The following BNC2 variants were observed in gnomAD, a reference collection of about 807,000 sequenced individuals.
BNC2 encodes basonuclin zinc finger protein 2.
A neutral mutation model predicts 76.3 loss-of-function variants in BNC2; 20 were observed. The observed-to-expected ratio is 0.26, with a 90% CI of 0.18 to 0.38. BNC2 has a LOEUF of 0.38. Among genes scored for constraint, BNC2 ranks in the 10% least tolerant of loss-of-function variants. The pLI, the probability that BNC2 is intolerant of heterozygous loss-of-function variation, is 1.00. For synonymous variants in BNC2, 582 were observed against 514.8 expected (o/e 1.13, Z -1.77); for missense variants, 1,382 against 1,399.8 (o/e 0.99, Z 0.20).
intron 5 of BNC2, among the ~76,000 whole-genome samples, chr9:16,516,118 T>C (rs1382616387): frequency 6.6e-6 from 1 of 152,198 alleles, no homozygotes; most frequent in Non-Finnish European, 1.5e-5. Flanking sequence ...TTATGCCCTC[T>C]TGCCTTTCGG....
At position 16,602,531 on chromosome 9, in the gene BNC2, C is replaced by T. The variant is rs190492632; in HGVS notation, c.331-19446G>A. Among the ~76,000 whole-genome samples the T allele has an allele frequency of 7.9e-3, 1,207 of 152,272 alleles. 16 individuals are homozygous for T. Among genetic ancestry groups the T allele is most frequent in the African/African-American group, 0.027 (1,139 of 41,534 alleles). ...TCTAAATGTGGTATACTAGGAAAAT[C>T]TACAATGTCTTTTCAGTGGTGCCAC... On this transcript the variant is annotated intron_variant, in intron 3 of 6. Transcript: ENST00000380672.
At chr9:16,736,456 ATTGT>A (rs1824672014) in intron 2 of BNC2, among the ~76,000 whole-genome samples, 1 of 150,150 alleles carries the variant, frequency 6.7e-6, no homozygotes, top group African/African-American at 2.4e-5. Context: ...TATTATTATT[ATTGT>A]TTATTATTAT....
At chr9:16,822,774 T>C (rs185286232) in intron 1 of BNC2, among the ~76,000 whole-genome samples, 61 of 152,234 alleles carry the variant, frequency 4.0e-4, no homozygotes, top group Non-Finnish European at 1.3e-4. Context: ...GAAACTATTG[T>C]AGTTCAGAAA....
intron 3 of BNC2, among the ~76,000 whole-genome samples, chr9:16,697,195 C>G (rs1199243592): frequency 6.6e-6 from 1 of 151,504 alleles, no homozygotes; most frequent in Non-Finnish European, 1.5e-5. Context: ...CCTGTCTCTA[C>G]TACACTACAA....
At chr9:16,528,699 C>A (rs1817886129) in intron 5 of BNC2, among the ~76,000 whole-genome samples, 6 of 152,156 alleles carry the variant, frequency 3.9e-5, no homozygotes, top group Admixed American at 3.9e-4. Context: ...ATATTTCCTA[C>A]AACAGTGTTT....
chr9:16,455,835 G>C (rs2149163), intron 5 of BNC2, among the ~76,000 whole-genome samples: 80,986 of 151,676 alleles, frequency 0.53, 23,947 homozygotes, highest in African/African-American at 0.79. Flanking sequence ...GCAGTCTAAG[G>C]TATAAAATAT....
At chr9:16,610,766 C>T (rs530714180) in intron 3 of BNC2, among the ~76,000 whole-genome samples, 2 of 152,276 alleles carry the variant, frequency 1.3e-5, no homozygotes, top group South Asian at 4.1e-4. Context: ...ATCATACACA[C>T]ACTTAAAATA....
At chr9:16,816,527 T>C (rs1254887530) in intron 1 of BNC2, among the ~76,000 whole-genome samples, 6 of 151,860 alleles carry the variant, frequency 4.0e-5, no homozygotes, top group South Asian at 2.1e-4. Context: ...AAAAAAGATA[T>C]ACAAAGTATA....
In BNC2 at chr9:16,441,377, A is replaced by C. The variant is rs7025207; in HGVS notation, c.670-3853T>G. ...ATTTATAAATGGAGAGACTGCAACA[A>C]GAAACAAATTGATCTTACACAACCT... On this transcript the variant is annotated intron_variant, in intron 5 of 6. Coordinates refer to ENST00000380672, the MANE Select transcript of BNC2 (RefSeq NM_017637.6). Among the ~76,000 whole-genome samples, 633 of 152,368 alleles carry C rather than the reference A, an allele frequency of 4.2e-3. 1 individual carries two copies. Among genetic ancestry groups the C allele is most frequent in the Middle Eastern group, 0.02 (6 of 294 alleles).
chr9:16,719,530 G>A (rs1230769176), intron 3 of BNC2, among the ~76,000 whole-genome samples: 5 of 152,230 alleles, frequency 3.3e-5, no homozygotes, highest in African/African-American at 1.2e-4. Flanking sequence ...GAACTGTCTA[G>A]AGAACCAATA....
chr9:16,677,945 A>T (rs1822701667), intron 3 of BNC2, among the ~76,000 whole-genome samples: 1 of 152,214 alleles, frequency 6.6e-6, no homozygotes, highest in Admixed American at 6.5e-5. Flanking sequence ...TTATAGATAT[A>T]AATCTTTTAA....
intron 1 of BNC2, among the ~76,000 whole-genome samples, chr9:16,741,327 C>T (rs1824843929): frequency 6.6e-6 from 1 of 152,148 alleles, no homozygotes; most frequent in African/African-American, 2.4e-5. Context: ...GTGGTGCATG[C>T]CTGTAATACC....
At chr9:16,845,668 C>A (rs1399305726) in intron 1 of BNC2, among the ~76,000 whole-genome samples, 1 of 151,958 alleles carries the variant, frequency 6.6e-6, no homozygotes, top group African/African-American at 2.4e-5. Context: ...TTGCAGTGAG[C>A]CGAGATCGCA....
chr9:16,809,260 A>G (rs1446058851), intron 1 of BNC2, among the ~76,000 whole-genome samples: 3 of 152,110 alleles, frequency 2.0e-5, no homozygotes, highest in African/African-American at 7.2e-5. Context: ...CCCCTCCTGG[A>G]TCACTCTCTG....
chr9:16,533,051 A>G (rs1057092695), intron 5 of BNC2, among the ~76,000 whole-genome samples: 1 of 152,236 alleles, frequency 6.6e-6, no homozygotes, highest in African/African-American at 2.4e-5. Context: ...TTGTAAATAT[A>G]CACTCATTTA....
chr9:16,751,652 A>ATATAAATG, intron 1 of BNC2, among the ~76,000 whole-genome samples: 1 of 86,930 alleles, frequency 1.2e-5, no homozygotes, highest in East Asian at 7.6e-3. Flanking sequence ...GTATGTGTGT[A>ATATAAATG]TATATATATG....
chr9:16,796,569 C>T (rs1817655613), intron 1 of BNC2, among the ~76,000 whole-genome samples: 2 of 45,308 alleles, frequency 4.4e-5, no homozygotes, highest in African/African-American at 1.2e-4. Flanking sequence ...GAGACTCCGT[C>T]TCAAAAAAAA....
intron 3 of BNC2, among the ~76,000 whole-genome samples, chr9:16,600,098 C>T (rs1415850894): frequency 2.0e-5 from 3 of 152,192 alleles, no homozygotes; most frequent in Admixed American, 1.3e-4. Context: ...AGGGGCCCTA[C>T]ATTGATGACC....
intron 1 of BNC2, among the ~76,000 whole-genome samples, chr9:16,749,215 T>C (rs1295725728): frequency 1.3e-5 from 2 of 152,076 alleles, no homozygotes; most frequent in South Asian, 2.1e-4. Flanking sequence ...GGAGAGACTA[T>C]ATGTAAATGT....
Sources: allele counts gnomAD v4.1 joint callset (sites outside exome capture counted in the v4.1 genomes callset), GRCh38; gene constraint gnomAD v4.1.1; transcripts MANE v1.5; gene names NCBI Gene and HGNC (gene_info 2026-07-23, HGNC 2026-07-21).